TEKT5: variants seen among roughly 807,000 people sequenced by gnomAD.
TEKT5 encodes tektin-5.
TEKT5 carries 52 observed loss-of-function variants against 48.7 expected under a neutral mutation model. That is an observed-to-expected ratio of 1.07 (90% CI 0.86 to 1.35). TEKT5 has a LOEUF of 1.35. Ranked by LOEUF, TEKT5 falls within the 40% of genes most tolerant of loss-of-function variation. The pLI is 0.00. For missense variants in TEKT5, 831 were observed against 641.6 expected, an observed-to-expected ratio of 1.30 and a Z score of -3.19; for synonymous variants, 318 against 267.6, an observed-to-expected ratio of 1.19 and a Z score of -1.84.
chr16:10,634,826 G>A (rs1038198710), intron 6 of TEKT5, among the ~76,000 whole-genome samples: 4 of 152,178 alleles, frequency 2.6e-5, no homozygotes, highest in Non-Finnish European at 4.4e-5. Context: ...AAGCATGGGA[G>A]TGAGCTTGGA....
intron 5 of TEKT5, among the ~76,000 whole-genome samples, chr16:10,674,091 C>T (rs1354289582): frequency 6.6e-6 from 1 of 152,192 alleles, no homozygotes; most frequent in Non-Finnish European, 1.5e-5. Context: ...GGAATCCAAA[C>T]CCTTCACCAG....
intron 5 of TEKT5, among the ~76,000 whole-genome samples, chr16:10,653,962 T>G (rs557629921): frequency 2.2e-3 from 329 of 152,020 alleles, no homozygotes; most frequent in Middle Eastern, 6.8e-3. Context: ...GCCCACAAGG[T>G]TACTGGGGGA....
intron 5 of TEKT5, among the ~76,000 whole-genome samples, chr16:10,660,704 T>TG (rs1567230482): frequency 1.1e-4 from 15 of 138,000 alleles, no homozygotes; most frequent in African/African-American, 4.0e-4. Flanking sequence ...TGTGTGTGTG[T>TG]TATTTATTTA....
intron 5 of TEKT5, among the ~76,000 whole-genome samples, chr16:10,650,117 G>A (rs1465951165): frequency 2.6e-5 from 4 of 151,188 alleles, no homozygotes; most frequent in Non-Finnish European, 5.9e-5. Context: ...TATTGCCCAC[G>A]CTGGAGTGCA....
intron 5 of TEKT5, among the ~76,000 whole-genome samples, chr16:10,648,149 G>A (rs986678784): frequency 1.3e-5 from 2 of 152,124 alleles, no homozygotes; most frequent in Non-Finnish European, 2.9e-5. Flanking sequence ...AGTTCTCCTG[G>A]AATTCCTGTG....
chr16:10,681,855 C>T (rs567157709), intron 4 of TEKT5, 138 bp downstream of exon 4: 57 of 1,189,308 alleles, frequency 4.8e-5, no homozygotes, highest in Middle Eastern at 5.4e-4. Flanking sequence ...CTGCCGCCTG[C>T]GCTAGAGGAT....
intron 5 of TEKT5, among the ~76,000 whole-genome samples, chr16:10,664,036 T>C (rs982354444): frequency 3.3e-5 from 5 of 152,226 alleles, no homozygotes; most frequent in Admixed American, 1.3e-4. Flanking sequence ...GAGAGACCAA[T>C]ATGCTCTTAA....
rs187030445 is a variant in TEKT5, at chr16:10,646,950, C to T, written c.1087-11032G>A. On this transcript the variant is annotated intron_variant, in intron 5 of 6. Transcript: ENST00000283025. The stretch of plus-strand genomic sequence containing the variant: ...CCCTGGGGATTTTCTTCAGAAACCT[C>T]CCCTTTGTGGGGGCAGTGGGTGGGA... Among the ~76,000 whole-genome samples the T allele has an allele frequency of 9.1e-3, 1,384 of 152,340 alleles. 7 individuals carry two copies. Among genetic ancestry groups the T allele is most frequent in the Non-Finnish European group, 0.011 (759 of 68,030 alleles).
chr16:10,675,750 C>A (rs994494828), intron 5 of TEKT5, among the ~76,000 whole-genome samples: 4 of 152,112 alleles, frequency 2.6e-5, no homozygotes, highest in African/African-American at 9.7e-5. Context: ...GGCTTGTAAG[C>A]AAGACAAGAT....
intron 5 of TEKT5, among the ~76,000 whole-genome samples, chr16:10,640,074 C>CTCCTTCTCCTTCCTTCCT (rs367593650): frequency 9.5e-5 from 13 of 136,556 alleles, no homozygotes; most frequent in African/African-American, 3.3e-4. Context: ...TTTCTTTCTC[C>CTCCTTCTCCTTCCTTCCT]TTCTTCTCCT....
chr16:10,673,574 C>G (rs918137845), intron 5 of TEKT5, among the ~76,000 whole-genome samples: 5 of 151,920 alleles, frequency 3.3e-5, no homozygotes, highest in Non-Finnish European at 5.9e-5. Flanking sequence ...CTTGATGTCA[C>G]CACCACAGCA....
chr16:10,652,621 C>T (rs1596406058), intron 5 of TEKT5, among the ~76,000 whole-genome samples: 1 of 106,518 alleles, frequency 9.4e-6, no homozygotes, highest in African/African-American at 4.4e-5. Flanking sequence ...CACACACACA[C>T]ACACACACAC....
At chr16:10,637,923 G>A (rs1036858534) in intron 5 of TEKT5, among the ~76,000 whole-genome samples, 18 of 152,252 alleles carry the variant, frequency 1.2e-4, no homozygotes, top group Admixed American at 5.9e-4. Context: ...TGATCTTCCC[G>A]CCTCAGCCTG....
intron 5 of TEKT5, among the ~76,000 whole-genome samples, chr16:10,649,042 C>T (rs2719755): frequency 0.1 from 15,833 of 151,950 alleles, 926 homozygotes; most frequent in African/African-American, 0.17. Context: ...CTTAAACTCC[C>T]GGGCTCAAGT....
intron 5 of TEKT5, among the ~76,000 whole-genome samples, chr16:10,649,173 C>A (rs1898115514): frequency 6.6e-6 from 1 of 152,142 alleles, no homozygotes; most frequent in Admixed American, 6.6e-5. Context: ...GGCTGGAGTG[C>A]AGTGGCACTA....
chr16:10,631,275 A>C (rs1897837241), intron 6 of TEKT5, among the ~76,000 whole-genome samples: 1 of 115,100 alleles, frequency 8.7e-6, no homozygotes, highest in Non-Finnish European at 1.8e-5. Flanking sequence ...AAAAAAAAAG[A>C]GAGAGAGAGA....
chr16:10,669,992 G>C (rs370180580), intron 5 of TEKT5, among the ~76,000 whole-genome samples: 2 of 152,178 alleles, frequency 1.3e-5, no homozygotes, highest in African/African-American at 4.8e-5. Context: ...GAGGCTTGGG[G>C]TGTGGCCGAG....
chr16:10,665,083 G>A (rs1898435989), intron 5 of TEKT5, among the ~76,000 whole-genome samples: 1 of 152,182 alleles, frequency 6.6e-6, no homozygotes, highest in African/African-American at 2.4e-5. Flanking sequence ...GACACAGAAG[G>A]TGGAGATGGA....
At chr16:10,643,184 C>T (rs2142266249) in intron 5 of TEKT5, among the ~76,000 whole-genome samples, 1 of 152,016 alleles carries the variant, frequency 6.6e-6, no homozygotes, top group Middle Eastern at 3.4e-3. Context: ...AGTTTGAGAC[C>T]AGCCTGGGCA....
Sources: gnomAD v4.1 joint callset for allele counts (sites outside exome capture counted in the v4.1 genomes callset) on GRCh38, gnomAD v4.1.1 for gene constraint, MANE v1.5 for transcripts, NCBI Gene and HGNC (gene_info 2026-07-23, HGNC 2026-07-21) for gene names.